The following TMEM132D variants were observed in gnomAD, a reference collection of about 807,000 sequenced individuals.
The protein encoded by TMEM132D is transmembrane protein 132D, also known as mature OL transmembrane protein.
TMEM132D carries 21 observed loss-of-function variants against 62.3 expected under a neutral mutation model. That is an observed-to-expected ratio of 0.34 (90% CI 0.24 to 0.49). The LOEUF (loss-of-function observed/expected upper bound fraction) is 0.49. Ranked by LOEUF, TMEM132D falls within the 20% of genes least tolerant of loss-of-function variation. TMEM132D has a pLI of 0.99. For synonymous variants in TMEM132D, 621 were observed against 575.6 expected, an observed-to-expected ratio of 1.08 and a Z score of -1.13; for missense variants, 1,346 against 1,402.8, an observed-to-expected ratio of 0.96 and a Z score of 0.65.
At position 129,751,849 on chromosome 12, in the gene TMEM132D, G is replaced by T. The variant is rs377257211; in HGVS notation, c.80-51151C>A. On this transcript the variant is annotated intron_variant, in intron 1 of 8. Transcript: ENST00000422113. ...AAGGCATTTCTAAATAGCGCTTTTG[G>T]AAATAAAGCTGATATTAGTACAATC... Among the ~76,000 whole-genome samples the T allele has an allele frequency of 1.8e-3, 277 of 152,250 alleles. 1 individual carries two copies. The highest frequency in any genetic ancestry group is 6.4e-3 in the African/African-American group (267 of 41,556).
chr12:129,881,187 C>T (rs943602974), intron 1 of TMEM132D, among the ~76,000 whole-genome samples: 2 of 151,882 alleles, frequency 1.3e-5, no homozygotes, highest in Non-Finnish European at 2.9e-5. Flanking sequence ...CAACTAACGA[C>T]AGAACTTCAA....
At chr12:129,132,789 T>G (rs1876417431) in intron 5 of TMEM132D, among the ~76,000 whole-genome samples, 1 of 152,210 alleles carries the variant, frequency 6.6e-6, no homozygotes, top group African/African-American at 2.4e-5. Flanking sequence ...CAGACTTCAA[T>G]GAACCTGGGA....
chr12:129,533,042 C>G (rs1392392066), intron 2 of TMEM132D, among the ~76,000 whole-genome samples: 1 of 152,080 alleles, frequency 6.6e-6, no homozygotes, highest in African/African-American at 2.4e-5. Flanking sequence ...TGGGGGTGGT[C>G]TTAGGAACCC....
intron 4 of TMEM132D, among the ~76,000 whole-genome samples, chr12:129,251,667 T>C (rs936326610): frequency 1.3e-5 from 2 of 152,212 alleles, no homozygotes; most frequent in African/African-American, 4.8e-5. Flanking sequence ...ATTAACTCCA[T>C]GCTCCTCTTC....
chr12:129,461,115 G>A (rs1046944629), intron 3 of TMEM132D, among the ~76,000 whole-genome samples: 10 of 152,304 alleles, frequency 6.6e-5, no homozygotes, highest in African/African-American at 2.2e-4. Flanking sequence ...AGGGTGGTGG[G>A]GACCACAGTC....
intron 2 of TMEM132D, among the ~76,000 whole-genome samples, chr12:129,664,408 T>C (rs1469641324): frequency 6.8e-6 from 1 of 148,066 alleles, no homozygotes; most frequent in Non-Finnish European, 1.5e-5. Context: ...CTTGACATTC[T>C]ACAATTACAA....
intron 1 of TMEM132D, among the ~76,000 whole-genome samples, chr12:129,847,984 A>G (rs1208346909): frequency 6.6e-6 from 1 of 152,098 alleles, no homozygotes; most frequent in Non-Finnish European, 1.5e-5. Context: ...ATCGGCTCCA[A>G]GAACCTGAAA....
intron 5 of TMEM132D, among the ~76,000 whole-genome samples, chr12:129,157,568 T>C (rs970938014): frequency 1.6e-4 from 25 of 152,260 alleles, no homozygotes; most frequent in African/African-American, 5.8e-4. Context: ...GAAAATATGA[T>C]GTAAACACAA....
intron 4 of TMEM132D, among the ~76,000 whole-genome samples, chr12:129,247,732 C>A (rs907210278): frequency 2.6e-5 from 4 of 152,178 alleles, no homozygotes; most frequent in Non-Finnish European, 5.9e-5. Context: ...AGGGGGGTGC[C>A]CCCTCACCAT....
chr12:129,675,968 G>T (rs1216122737), intron 2 of TMEM132D, among the ~76,000 whole-genome samples: 7 of 152,194 alleles, frequency 4.6e-5, no homozygotes, highest in Admixed American at 4.6e-4. Context: ...GAATCTTCCG[G>T]TGCCTTCAAA....
chr12:129,160,796 A>G (rs1197833836), intron 5 of TMEM132D, among the ~76,000 whole-genome samples: 2 of 152,208 alleles, frequency 1.3e-5, no homozygotes, highest in Non-Finnish European at 2.9e-5. Flanking sequence ...CTTGGGGACT[A>G]CTTGAGTATC....
At chr12:129,742,611 C>T (rs989237867) in intron 1 of TMEM132D, among the ~76,000 whole-genome samples, 43 of 152,192 alleles carry the variant, frequency 2.8e-4, no homozygotes, top group Non-Finnish European at 2.1e-4. Context: ...CCTTCTGGGT[C>T]CTTAAACAAT....
chr12:129,171,257 G>A (rs1467135881), intron 5 of TMEM132D, among the ~76,000 whole-genome samples: 1 of 152,180 alleles, frequency 6.6e-6, no homozygotes, highest in Non-Finnish European at 1.5e-5. Context: ...TTCTGTTCAA[G>A]GTTTGTCATG....
intron 2 of TMEM132D, among the ~76,000 whole-genome samples, chr12:129,692,735 A>G (rs1175419844): frequency 6.6e-6 from 1 of 152,170 alleles, no homozygotes. Context: ...TCCTTAGCAA[A>G]CTAACAAAGG....
intron 1 of TMEM132D, among the ~76,000 whole-genome samples, chr12:129,864,008 G>A (rs1452155637): frequency 6.6e-6 from 1 of 152,186 alleles, no homozygotes; most frequent in African/African-American, 2.4e-5. Flanking sequence ...ACTAGCACCA[G>A]TGAGGGCTGG....
chr12:129,784,187 C>G (rs1175558902), intron 1 of TMEM132D, among the ~76,000 whole-genome samples: 2 of 152,162 alleles, frequency 1.3e-5, no homozygotes, highest in Non-Finnish European at 2.9e-5. Context: ...GCCATCCCCC[C>G]GTGAGACCAC....
chr12:129,398,154 C>G (rs980456008), intron 3 of TMEM132D, among the ~76,000 whole-genome samples: 2 of 152,186 alleles, frequency 1.3e-5, no homozygotes, highest in African/African-American at 4.8e-5. Context: ...ACACTTTTGG[C>G]TGCAAGTAAG....
intron 4 of TMEM132D, among the ~76,000 whole-genome samples, chr12:129,285,344 C>T (rs571520306): frequency 7.7e-6 from 1 of 130,382 alleles, no homozygotes; most frequent in African/African-American, 2.8e-5. Context: ...CATAGTGAAA[C>T]CCTGTCTCCA....
At chr12:129,702,678 C>G (rs1001834225) in intron 1 of TMEM132D, among the ~76,000 whole-genome samples, 1 of 152,218 alleles carries the variant, frequency 6.6e-6, no homozygotes, top group Non-Finnish European at 1.5e-5. Flanking sequence ...CTGTGATTCT[C>G]TATGCACTCC....
Sources: allele counts gnomAD v4.1 joint callset (sites outside exome capture counted in the v4.1 genomes callset), GRCh38; gene constraint gnomAD v4.1.1; transcripts MANE v1.5; gene names NCBI Gene and HGNC (gene_info 2026-07-23, HGNC 2026-07-21).